GALNT17: variants seen among roughly 807,000 people sequenced by gnomAD.
GALNT17 encodes the protein polypeptide N-acetylgalactosaminyltransferase 17.
GALNT17 carries 29 observed loss-of-function variants against 63.7 expected under a neutral mutation model. That is an observed-to-expected ratio of 0.46 (90% CI 0.34 to 0.62). The LOEUF is 0.62. Among genes scored for constraint, GALNT17 ranks in the 20% least tolerant of loss-of-function variants. GALNT17 has a pLI of 0.01. For missense variants in GALNT17, 603 were observed against 799.6 expected (o/e 0.75, Z 2.97); for synonymous variants, 305 against 318.3 (o/e 0.96, Z 0.45).
intron 2 of GALNT17, among the ~76,000 whole-genome samples, chr7:71,377,673 C>G (rs776753487): frequency 2.0e-5 from 3 of 152,182 alleles, no homozygotes; most frequent in Non-Finnish European, 4.4e-5. Context: ...CATCTCTAAT[C>G]GTAATCCCCA....
At chr7:71,636,866 G>C (rs1473833533) in intron 6 of GALNT17, among the ~76,000 whole-genome samples, 1 of 152,180 alleles carries the variant, frequency 6.6e-6, no homozygotes, top group African/African-American at 2.4e-5. Context: ...AACAGTAAGA[G>C]GGTGTGGAAG....
At chr7:71,268,933 A>T (rs1453069573) in intron 1 of GALNT17, among the ~76,000 whole-genome samples, 2 of 152,210 alleles carry the variant, frequency 1.3e-5, no homozygotes, top group Non-Finnish European at 2.9e-5. Context: ...GGCCTCATGG[A>T]GGCAGGAACA....
At chr7:71,527,696 A>G (rs1788647248) in intron 5 of GALNT17, among the ~76,000 whole-genome samples, 1 of 152,282 alleles carries the variant, frequency 6.6e-6, no homozygotes, top group East Asian at 1.9e-4. Context: ...AAGCAAGACA[A>G]GAAACTTGGC....
At chr7:71,646,704 A>G (rs1790680550) in intron 6 of GALNT17, among the ~76,000 whole-genome samples, 1 of 149,698 alleles carries the variant, frequency 6.7e-6, no homozygotes, top group South Asian at 2.1e-4. Context: ...TGCCACAGAC[A>G]GTATGTTTGG....
At chr7:71,337,135 G>T (rs1791922705) in intron 2 of GALNT17, among the ~76,000 whole-genome samples, 1 of 151,846 alleles carries the variant, frequency 6.6e-6, no homozygotes, top group South Asian at 2.1e-4. Flanking sequence ...AAGTTTTAGT[G>T]TATTGTCTTT....
chr7:71,550,376 G>T (rs898478786), intron 5 of GALNT17, among the ~76,000 whole-genome samples: 16 of 149,896 alleles, frequency 1.1e-4, no homozygotes, highest in African/African-American at 2.9e-4. Context: ...TTGTTTTTTT[G>T]TGTGTGTTTT....
Position 71,544,908 on chromosome 7 carries a change from G to A in GALNT17, c.963-26377G>A, listed in dbSNP as rs1455986952. On this transcript the variant is annotated intron_variant, in intron 5 of 10. Coordinates refer to ENST00000333538, the MANE Select transcript of GALNT17 (RefSeq NM_022479.3). ...TTAATACCTGCACCCCCATCACATC[G>A]GGATTTTTCTGGGGATCAAATGCGT... Among the ~76,000 whole-genome samples the A allele has an allele frequency of 4.0e-5, 6 of 149,676 alleles. No individual in the cohort carries two copies. The East Asian group carries it at 7.8e-4, about 19-fold the overall frequency.
chr7:71,235,153 A>G (rs1789863762), intron 1 of GALNT17, among the ~76,000 whole-genome samples: 1 of 151,864 alleles, frequency 6.6e-6, no homozygotes, highest in Non-Finnish European at 1.5e-5. Context: ...CGGGAGGCTG[A>G]GGCAGGAGAA....
intron 5 of GALNT17, among the ~76,000 whole-genome samples, chr7:71,536,259 G>A (rs1202136847): frequency 2.0e-5 from 3 of 152,112 alleles, no homozygotes; most frequent in African/African-American, 7.2e-5. Flanking sequence ...CCTAGATCTG[G>A]GTCTCACCTT....
At chr7:71,642,162 C>A (rs1790613238) in intron 6 of GALNT17, among the ~76,000 whole-genome samples, 1 of 152,170 alleles carries the variant, frequency 6.6e-6, no homozygotes, top group African/African-American at 2.4e-5. Context: ...CCAAATCTTG[C>A]ATCTCATGAA....
intron 8 of GALNT17, among the ~76,000 whole-genome samples, 153 bp downstream of exon 8, chr7:71,670,262 G>T (rs980212314): frequency 3.9e-5 from 6 of 152,180 alleles, no homozygotes; most frequent in Non-Finnish European, 7.3e-5. Flanking sequence ...TAGCTGGGGG[G>T]TTGGGGTAGG....
intron 3 of GALNT17, among the ~76,000 whole-genome samples, chr7:71,393,550 C>T (rs1192576278): frequency 1.3e-5 from 2 of 151,796 alleles, no homozygotes; most frequent in Non-Finnish European, 2.9e-5. Flanking sequence ...TAATCAGTGC[C>T]CCCCTTTTTT....
chr7:71,559,825 A>G, intron 5 of GALNT17, among the ~76,000 whole-genome samples: 1 of 151,638 alleles, frequency 6.6e-6, no homozygotes, highest in African/African-American at 2.4e-5. Context: ...GCACTACTGC[A>G]CTCCAGCTTG....
At chr7:71,596,121 C>A (rs1789881395) in intron 6 of GALNT17, among the ~76,000 whole-genome samples, 2 of 152,200 alleles carry the variant, frequency 1.3e-5, no homozygotes, top group South Asian at 4.1e-4. Flanking sequence ...TCACTGCAAC[C>A]TCCGCCTCCT....
chr7:71,583,748 CACACACA>C (rs750138533), intron 6 of GALNT17, among the ~76,000 whole-genome samples: 1,058 of 4,638 alleles, frequency 0.23, 3 homozygotes, highest in Middle Eastern at 0.5. Flanking sequence ...CACACACACA[CACACACA>C]CACACCACAC....
intron 1 of GALNT17, among the ~76,000 whole-genome samples, chr7:71,150,891 A>G (rs1441157811): frequency 1.3e-5 from 2 of 150,142 alleles, no homozygotes; most frequent in South Asian, 4.3e-4. Context: ...CTGTAGTCCC[A>G]GCTACGTGGG....
chr7:71,701,816 C>T (rs1269698909), intron 9 of GALNT17, among the ~76,000 whole-genome samples: 99 of 5,368 alleles, frequency 0.018, no homozygotes, highest in Non-Finnish European at 0.047. Flanking sequence ...TATATATATA[C>T]ACATATATAT....
At chr7:71,648,380 C>T (rs969074588) in intron 6 of GALNT17, among the ~76,000 whole-genome samples, 1 of 151,968 alleles carries the variant, frequency 6.6e-6, no homozygotes, top group Non-Finnish European at 1.5e-5. Context: ...AAACAATTCT[C>T]CCGCGTCAGC....
chr7:71,407,810 C>T (rs1487173853), intron 3 of GALNT17, among the ~76,000 whole-genome samples: 1 of 152,082 alleles, frequency 6.6e-6, no homozygotes, highest in East Asian at 1.9e-4. Context: ...AATTAACAGA[C>T]ATAAAAGACC....
Sources: gnomAD v4.1 joint callset for allele counts (sites outside exome capture counted in the v4.1 genomes callset) on GRCh38, gnomAD v4.1.1 for gene constraint, MANE v1.5 for transcripts, NCBI Gene and HGNC (gene_info 2026-07-23, HGNC 2026-07-21) for gene names.